Variants in SPIRE1 observed in about 807,000 individuals in gnomAD.
The protein encoded by SPIRE1 is protein spire homolog 1.
SPIRE1 carries 40 observed loss-of-function variants against 94.1 expected under a neutral mutation model. That is an observed-to-expected ratio of 0.43 (90% CI 0.33 to 0.55). The LOEUF (loss-of-function observed/expected upper bound fraction) is 0.55, where lower values mean the gene tolerates loss of function less well. Ranked by LOEUF, SPIRE1 falls within the 20% of genes least tolerant of loss-of-function variation. The pLI is 0.06. For missense variants in SPIRE1, 838 were observed against 975.2 expected (o/e 0.86, Z 1.87); for synonymous variants, 376 against 371.7 (o/e 1.01, Z -0.13).
intron 2 of SPIRE1, among the ~76,000 whole-genome samples, chr18:12,605,179 G>A (rs941082444): frequency 1.3e-5 from 2 of 152,116 alleles, no homozygotes; most frequent in African/African-American, 2.4e-5. Flanking sequence ...TAACACAACC[G>A]AACTATAAAC....
intron 2 of SPIRE1, among the ~76,000 whole-genome samples, chr18:12,606,633 T>A (rs1402116200): frequency 1.3e-5 from 2 of 151,700 alleles, no homozygotes; most frequent in Non-Finnish European, 2.9e-5. Flanking sequence ...CAGGTTCAAG[T>A]GATTCTTCTG....
chr18:12,559,637 C>T lies in SPIRE1; in HGVS notation c.373-12733G>A, dbSNP rs2035627859. On this transcript the variant is annotated intron_variant, in intron 2 of 16. Coordinates refer to ENST00000409402, the MANE Select transcript of SPIRE1 (RefSeq NM_001128626.2). The surrounding 1 kb of genome is among the most constrained non-coding windows in gnomAD (Gnocchi z 4.7). The stretch of plus-strand genomic sequence containing the variant: ...AGCGAGGGCTGCTAGCACGTTGTCA[C>T]CTCTCACTACTACAAGAAAACATTG... Among the ~76,000 whole-genome samples the T allele has an allele frequency of 1.3e-5, 2 of 152,188 alleles. No individual in the cohort carries two copies. The highest frequency in any genetic ancestry group is 4.8e-5 in the African/African-American group (2 of 41,444).
chr18:12,502,497 A>T (rs185683010), intron 6 of SPIRE1, among the ~76,000 whole-genome samples: 165 of 152,194 alleles, frequency 1.1e-3, no homozygotes, highest in Non-Finnish European at 2.1e-3. Context: ...GAAAGATAAC[A>T]TTACCCAGTA....
At chr18:12,526,447 G>A (rs891790570) in intron 4 of SPIRE1, among the ~76,000 whole-genome samples, 5 of 152,138 alleles carry the variant, frequency 3.3e-5, no homozygotes, top group South Asian at 2.1e-4. Flanking sequence ...CTTCTAACAC[G>A]GTGCTGGATG....
chr18:12,626,044 C>T (rs554679217), intron 2 of SPIRE1, among the ~76,000 whole-genome samples: 10 of 69,614 alleles, frequency 1.4e-4, no homozygotes, highest in South Asian at 4.6e-4. Context: ...ACCGCCCCGC[C>T]CCCCCCCAAA....
chr18:12,576,900 A>C (rs908463310), intron 2 of SPIRE1, among the ~76,000 whole-genome samples: 2 of 151,528 alleles, frequency 1.3e-5, no homozygotes, highest in Non-Finnish European at 2.9e-5. Flanking sequence ...CAAAAAAAAA[A>C]AAAAAAAAAG....
At chr18:12,568,451 A>G (rs2035872333) in intron 2 of SPIRE1, among the ~76,000 whole-genome samples, 1 of 152,140 alleles carries the variant, frequency 6.6e-6, no homozygotes, top group Non-Finnish European at 1.5e-5. Context: ...TTGTATGTCC[A>G]ACTCCACTCA....
chr18:12,569,073 G>A (rs1048188944), intron 2 of SPIRE1, among the ~76,000 whole-genome samples: 2 of 152,142 alleles, frequency 1.3e-5, no homozygotes, highest in Admixed American at 1.3e-4. Flanking sequence ...GGGTGCGGTG[G>A]CTCATGCCTG....
chr18:12,475,157 G>A (rs1282013584), intron 10 of SPIRE1, among the ~76,000 whole-genome samples: 6 of 152,092 alleles, frequency 3.9e-5, no homozygotes, highest in Admixed American at 3.3e-4. Context: ...GGCACAGCCC[G>A]GCTCACATCT....
At position 12,589,559 on chromosome 18, in the gene SPIRE1, G is replaced by A. The variant is rs138533365; in HGVS notation, c.373-42655C>T. ...AAAATGTTTTCCCTCAGTACCAGGT[G>A]CACTTAGGTAAAAGGTGCTCTTAGG... On this transcript the variant is annotated intron_variant, in intron 2 of 16. Transcript: ENST00000409402. Among the ~76,000 whole-genome samples the A allele has an allele frequency of 9.9e-5, 15 of 152,282 alleles. 1 individual carries two copies. The highest frequency in any genetic ancestry group is 3.4e-4 in the African/African-American group (14 of 41,570).
intron 2 of SPIRE1, among the ~76,000 whole-genome samples, chr18:12,586,823 C>A (rs946044470): frequency 6.6e-6 from 1 of 152,148 alleles, no homozygotes; most frequent in Admixed American, 6.5e-5. Flanking sequence ...AAATTTGCCT[C>A]CTGAGCCCCT....
intron 2 of SPIRE1, among the ~76,000 whole-genome samples, chr18:12,623,653 A>T (rs371906835): frequency 5.8e-4 from 87 of 150,964 alleles, no homozygotes; most frequent in African/African-American, 1.8e-3. Context: ...TTTTTGAGAG[A>T]GTTTCACTCT....
intron 2 of SPIRE1, among the ~76,000 whole-genome samples, chr18:12,620,965 C>T (rs543512448): frequency 6.6e-6 from 1 of 152,134 alleles, no homozygotes; most frequent in Non-Finnish European, 1.5e-5. Flanking sequence ...AAAGAGAACC[C>T]AATTTTAAAA....
At chr18:12,581,860 T>TA (rs34528391) in intron 2 of SPIRE1, among the ~76,000 whole-genome samples, 20,829 of 147,226 alleles carry the variant, frequency 0.14, 1,644 homozygotes, top group African/African-American at 0.2. Context: ...TGAGACTGTT[T>TA]AAAAAAAAAA....
intron 2 of SPIRE1, among the ~76,000 whole-genome samples, chr18:12,552,010 C>T (rs192725033): frequency 2.6e-5 from 4 of 152,290 alleles, no homozygotes; most frequent in East Asian, 3.9e-4. Flanking sequence ...GACTTTGCAC[C>T]GAATTCAGTG....
At chr18:12,534,234 G>T (rs1033363961) in intron 4 of SPIRE1, among the ~76,000 whole-genome samples, 3 of 152,084 alleles carry the variant, frequency 2.0e-5, no homozygotes, top group African/African-American at 7.2e-5. Context: ...TACTACCAGG[G>T]TTAAGTACAC....
intron 4 of SPIRE1, among the ~76,000 whole-genome samples, chr18:12,520,630 C>T (rs796527026): frequency 1.3e-4 from 20 of 152,264 alleles, no homozygotes; most frequent in African/African-American, 4.8e-4. Flanking sequence ...GATGAATGAT[C>T]TCATTAAAAC....
chr18:12,643,918 G>A (rs1225167221), intron 1 of SPIRE1, among the ~76,000 whole-genome samples: 2 of 151,500 alleles, frequency 1.3e-5, no homozygotes, highest in Non-Finnish European at 2.9e-5. Context: ...GCTGAGCACT[G>A]TGACTCACAT....
At chr18:12,625,504 G>T (rs1350020391) in intron 2 of SPIRE1, among the ~76,000 whole-genome samples, 2 of 152,138 alleles carry the variant, frequency 1.3e-5, no homozygotes, top group Non-Finnish European at 2.9e-5. Context: ...GTAAGATCAG[G>T]CAAAGCCATC....
Sources: allele counts gnomAD v4.1 joint callset (sites outside exome capture counted in the v4.1 genomes callset), GRCh38; gene constraint gnomAD v4.1.1; non-coding constraint Gnocchi (gnomAD v3.1); transcripts MANE v1.5; gene names NCBI Gene and HGNC (gene_info 2026-07-23, HGNC 2026-07-21).